Variants in TLN2 observed in about 807,000 individuals in gnomAD.
The protein encoded by TLN2 is talin-2.
In TLN2, 118 loss-of-function variants were observed where a neutral mutation model predicts 294.7. That is an observed-to-expected ratio of 0.40 (90% confidence interval 0.34 to 0.47). The LOEUF (loss-of-function observed/expected upper bound fraction) is 0.47. Ranked by LOEUF, TLN2 falls within the 20% of genes least tolerant of loss-of-function variation. TLN2 has a pLI of 0.84. For synonymous variants in TLN2, 1,431 were observed against 1,304.5 expected, an observed-to-expected ratio of 1.10 and a Z score of -2.09; for missense variants, 3,083 against 3,282.2, an observed-to-expected ratio of 0.94 and a Z score of 1.48.
chr15:62,687,425 A>G (rs78610372), intron 12 of TLN2, among the ~76,000 whole-genome samples: 5,778 of 152,350 alleles, frequency 0.038, 122 homozygotes, highest in Middle Eastern at 0.078. Flanking sequence ...GATGCTTAGT[A>G]TAAAATTTAT....
chr15:62,694,187 G>C, intron 13 of TLN2, 129 bp from the exon 14 acceptor site: 2 of 672,638 alleles, frequency 3.0e-6, no homozygotes, highest in East Asian at 2.8e-5. Context: ...GTGTTGACCA[G>C]GTTTGTCTCG....
At chr15:62,552,940 T>C (rs191314838) in intron 1 of TLN2, among the ~76,000 whole-genome samples, 74 of 152,350 alleles carry the variant, frequency 4.9e-4, no homozygotes, top group African/African-American at 1.6e-3. Context: ...GAATTGACTA[T>C]GTGTTTATTT....
Position 62,716,444 on chromosome 15 carries a change from T to C in TLN2, c.2748T>C (p.Ile916=). 1 of 1,604,808 alleles carries C rather than the reference T, an allele frequency of 6.2e-7. No individual in the cohort carries two copies. The highest frequency in any genetic ancestry group is 8.5e-7 in the Non-Finnish European group (1 of 1,176,026). ...CCCAGAATGCTATTAAGAAAAAAAT[T>C]GTCAACCGACTGGAGGTAAGGAAAG... ...AAAQNAIKKK[I]VNRLEVAAKQ... The change falls in exon 23 of 59, where the codon ATT becomes ATC. Residue 916 remains isoleucine (I), a synonymous_variant. Coordinates refer to ENST00000636159, the MANE Select transcript of TLN2 (RefSeq NM_015059.3).
At chr15:62,767,339 CTTTTCTTTGTTT>C (rs2063071870) in intron 41 of TLN2, among the ~76,000 whole-genome samples, 1 of 148,496 alleles carries the variant, frequency 6.7e-6, no homozygotes, top group Non-Finnish European at 1.5e-5. Context: ...CTTTTCTTTT[CTTTTCTTTGTTT>C]TTTTTTTCAG....
intron 1 of TLN2, among the ~76,000 whole-genome samples, chr15:62,504,818 G>GGTGTGTGT (rs377405417): frequency 0.087 from 12,418 of 142,748 alleles, 720 homozygotes; most frequent in East Asian, 0.27. Context: ...TAGTTGGTGG[G>GGTGTGTGT]GTGTGTGTGT....
chr15:62,486,355 A>G (rs2038390799), intron 1 of TLN2, among the ~76,000 whole-genome samples: 1 of 151,388 alleles, frequency 6.6e-6, no homozygotes, highest in Non-Finnish European at 1.5e-5. Flanking sequence ...CTTTATAGTA[A>G]TTCTTCTCCT....
chr15:62,699,594 C>T (rs995124521), intron 16 of TLN2, among the ~76,000 whole-genome samples: 4 of 152,178 alleles, frequency 2.6e-5, no homozygotes, highest in Admixed American at 1.3e-4. Flanking sequence ...CTGCTCAAAT[C>T]GTGGTCCCAG....
intron 1 of TLN2, among the ~76,000 whole-genome samples, chr15:62,408,639 T>C (rs967566179): frequency 2.0e-5 from 3 of 152,202 alleles, no homozygotes; most frequent in African/African-American, 7.2e-5. Context: ...GATTATATAG[T>C]AAAATACATG....
chr15:62,624,427 C>T lies in TLN2; in HGVS notation c.-37+5952C>T, dbSNP rs1322276448. On this transcript the variant is annotated intron_variant, in intron 3 of 58. Transcript: ENST00000636159. The stretch of plus-strand genomic sequence containing the variant: ...CCTACAGAAGGACGGAGTGTTCTGT[C>T]CCTGGGAAGCCTTGAAGTGGGAAGG... Among the ~76,000 whole-genome samples the T allele has an allele frequency of 3.3e-5, 5 of 152,180 alleles. No individual in the cohort carries two copies. The East Asian group carries it at 9.6e-4, about 29-fold the overall frequency.
At chr15:62,649,910 C>G (rs1002023484) in intron 4 of TLN2, 174 bp from the exon 5 acceptor site, 5 of 580,290 alleles carry the variant, frequency 8.6e-6, no homozygotes, top group Admixed American at 5.9e-5. Context: ...TCAACTCTTA[C>G]TCCTCCAGAT....
chr15:62,799,248 C>T (rs529216285), intron 48 of TLN2, among the ~76,000 whole-genome samples: 39 of 152,182 alleles, frequency 2.6e-4, no homozygotes, highest in African/African-American at 9.2e-4. Flanking sequence ...GGTTCCCACT[C>T]GAAAAGGCAG....
At chr15:62,682,789 T>C (rs1474593067) in intron 11 of TLN2, 1 of 152,188 alleles carries the variant, frequency 6.6e-6, no homozygotes, top group Non-Finnish European at 1.5e-5. Context: ...AATCTTGTTT[T>C]ATTCCAGAAA....
At chr15:62,753,634 C>T (rs763337083) in intron 35 of TLN2, 139 bp from the exon 36 acceptor site, 70 of 960,664 alleles carry the variant, frequency 7.3e-5, no homozygotes, top group Non-Finnish European at 9.0e-5. Context: ...TATTGGTGAG[C>T]GGGATGAGAT....
chr15:62,416,623 A>T (rs1171602038), intron 1 of TLN2, among the ~76,000 whole-genome samples: 1 of 152,216 alleles, frequency 6.6e-6, no homozygotes, highest in Non-Finnish European at 1.5e-5. Flanking sequence ...CCTGCCCAGA[A>T]TATAGCATTA....
At chr15:62,620,925 A>G (rs1331107809) in intron 3 of TLN2, among the ~76,000 whole-genome samples, 1 of 122,054 alleles carries the variant, frequency 8.2e-6, no homozygotes, top group Non-Finnish European at 1.6e-5. Context: ...TGCAAGCTCC[A>G]CCTCCCGGGT....
Position 62,679,785 on chromosome 15 carries a change from G to A in TLN2, c.957+4464G>A, listed in dbSNP as rs139243585. ...GGTACAGTAACACAGCCTGTAGAAT[G>A]ACATTGATACAATCCACAGACCTTA... On this transcript the variant is annotated intron_variant, in intron 11 of 58. Coordinates refer to ENST00000636159, the MANE Select transcript of TLN2 (RefSeq NM_015059.3). Among the ~76,000 whole-genome samples the A allele has an allele frequency of 4.7e-3, 719 of 152,312 alleles. 5 individuals carry two copies. The highest frequency in any genetic ancestry group is 0.016 in the African/African-American group (663 of 41,560).
intron 20 of TLN2, among the ~76,000 whole-genome samples, chr15:62,708,260 TGAA>T (rs769764340): frequency 8.3e-4 from 127 of 152,298 alleles, no homozygotes; most frequent in Middle Eastern, 3.4e-3. Flanking sequence ...ATGTGACTAA[TGAA>T]GTTATAAATT....
At chr15:62,684,168 G>A (rs977480245) in intron 11 of TLN2, 3 of 152,276 alleles carry the variant, frequency 2.0e-5, no homozygotes, top group Admixed American at 6.5e-5. Flanking sequence ...AATCTGGAAT[G>A]ATCTTGACAA....
rs564098833 is a variant in TLN2 at position 62,517,549 on chromosome 15, A to G, written c.-237-72138A>G. ...GATTGCTGTTTTGCAATGAACCTGA[A>G]TAATTATTCCACACCCCCAATATTT... On this transcript the variant is annotated intron_variant, in intron 1 of 58. Coordinates refer to ENST00000636159, the MANE Select transcript of TLN2 (RefSeq NM_015059.3). Among the ~76,000 whole-genome samples, 16 of 152,336 alleles carry G rather than the reference A, an allele frequency of 1.1e-4. No individual in the cohort carries two copies. In the East Asian group the frequency reaches 3.1e-3, roughly 29 times the overall value.
Sources: allele counts gnomAD v4.1 joint callset (sites outside exome capture counted in the v4.1 genomes callset), GRCh38; gene constraint gnomAD v4.1.1; transcripts MANE v1.5; gene names NCBI Gene and HGNC (gene_info 2026-07-23, HGNC 2026-07-21).